Variants in CXADR observed in about 807,000 individuals in gnomAD.
CXADR encodes the protein coxsackievirus and adenovirus receptor.
Under a neutral mutation model 40.3 loss-of-function variants are expected in CXADR, and 20 were observed. The ratio of observed to expected loss-of-function variants is 0.50; its 90% CI spans 0.35 to 0.72. CXADR has a LOEUF of 0.72. Ranked by LOEUF, CXADR falls within the 30% of genes least tolerant of loss-of-function variation. The probability of loss-of-function intolerance (pLI) is 0.01; values close to 1 mark genes in which losing one functional copy is unlikely to be tolerated. For missense variants in CXADR, 332 were observed against 449.1 expected, an observed-to-expected ratio of 0.74 and a Z score of 2.36; for synonymous variants, 150 against 161.3, an observed-to-expected ratio of 0.93 and a Z score of 0.53.
chr21:17,561,277 C>T (rs557805960), intron 5 of CXADR, 61 bp from the exon 6 acceptor site: 8 of 927,050 alleles, frequency 8.6e-6, no homozygotes, highest in African/African-American at 6.9e-5. Flanking sequence ...TATAGCCTAC[C>T]TTCAGTATCT....
chr21:17,540,096 C>G (rs866951661), intron 1 of CXADR, among the ~76,000 whole-genome samples: 2 of 152,160 alleles, frequency 1.3e-5, no homozygotes, highest in African/African-American at 4.8e-5. Flanking sequence ...GGCTGGTAGA[C>G]AGCTGCCGTC....
the CXADR span, among the ~76,000 whole-genome samples, chr21:17,627,348 C>T: frequency 6.6e-6 from 1 of 152,008 alleles, no homozygotes; most frequent in Admixed American, 6.6e-5. Context: ...AAGAGCAAAA[C>T]TTCACCTCGA....
intron 1 of CXADR, among the ~76,000 whole-genome samples, chr21:17,514,475 C>T (rs1271328943): frequency 6.6e-6 from 1 of 151,562 alleles, no homozygotes; most frequent in Non-Finnish European, 1.5e-5. Flanking sequence ...AACCAGTTTA[C>T]AGGTACATTC....
intron 1 of CXADR, among the ~76,000 whole-genome samples, chr21:17,520,090 A>G (rs1302526406): frequency 6.6e-6 from 1 of 152,086 alleles, no homozygotes; most frequent in Non-Finnish European, 1.5e-5. Flanking sequence ...CCAACTGCGT[A>G]ACTATTCAAC....
the CXADR span, chr21:17,609,255 C>G: frequency 9.1e-7 from 1 of 1,094,044 alleles, no homozygotes; most frequent in Non-Finnish European, 1.3e-6. Context: ...CTTCCTCCTT[C>G]CAATTTTATC....
intron 1 of CXADR, among the ~76,000 whole-genome samples, chr21:17,541,448 C>T (rs1444281870): frequency 6.6e-6 from 1 of 151,962 alleles, no homozygotes; most frequent in Non-Finnish European, 1.5e-5. Flanking sequence ...TCCCAGCTAC[C>T]CGGGAGGCTT....
chr21:17,606,674 T>C, the CXADR span, among the ~76,000 whole-genome samples: 3 of 152,216 alleles, frequency 2.0e-5, no homozygotes, highest in African/African-American at 7.2e-5. Flanking sequence ...CCTTACATGT[T>C]TTGTACTATT....
At chr21:17,564,231 G>A (rs915237689) in intron 6 of CXADR, among the ~76,000 whole-genome samples, 4 of 150,284 alleles carry the variant, frequency 2.7e-5, no homozygotes, top group South Asian at 2.1e-4. Flanking sequence ...AGTGACTCAC[G>A]CCTGTAATCC....
At chr21:17,519,107 A>G (rs2060497152) in intron 1 of CXADR, 6 of 778,266 alleles carry the variant, frequency 7.7e-6, no homozygotes, top group Non-Finnish European at 1.3e-5. Flanking sequence ...TTATACCACC[A>G]TCAGAGGAAA....
At chr21:17,563,136 A>G (rs1208144114) in intron 6 of CXADR, among the ~76,000 whole-genome samples, 1 of 152,128 alleles carries the variant, frequency 6.6e-6, no homozygotes, top group Non-Finnish European at 1.5e-5. Flanking sequence ...TTGGTTTTCA[A>G]CATGCTGTCC....
intron 1 of CXADR, among the ~76,000 whole-genome samples, chr21:17,532,187 C>CCTTGT (rs2060687173): frequency 6.6e-6 from 1 of 152,080 alleles, no homozygotes; most frequent in African/African-American, 2.4e-5. Context: ...CCTGCCCCAA[C>CCTTGT]CTCCCAAAGT....
At chr21:17,597,373 A>G (rs2061517431), downstream of CXADR, among the ~76,000 whole-genome samples, 1 of 152,066 alleles carries the variant, frequency 6.6e-6, no homozygotes, top group Non-Finnish European at 1.5e-5. Flanking sequence ...GCAATATATA[A>G]TCCATCACAC....
the CXADR span, among the ~76,000 whole-genome samples, chr21:17,602,773 A>G: frequency 6.6e-6 from 1 of 152,220 alleles, no homozygotes; most frequent in South Asian, 2.1e-4. Flanking sequence ...TGAAATGTCT[A>G]CTGAAGTAGA....
In CXADR at chr21:17,567,233, T is replaced by G. The variant is rs2061221486; in HGVS notation, c.*1541T>G. On this transcript the variant is annotated 3_prime_UTR_variant, in exon 7 of 7. Coordinates refer to ENST00000284878, the MANE Select transcript of CXADR (RefSeq NM_001338.5). ...GGGTGCTGTGGTGGTAAATGCTATA[T>G]TATGAACGGTGGCATGTATTTACAG... 1.0e-6 allele frequency: 1 copy of G among 985,436 alleles called. No individual in the cohort carries two copies. Among genetic ancestry groups the G allele is most frequent in the Admixed American group, 6.1e-5 (1 of 16,282 alleles). The allele number at this position is 985,436 out of a possible 1,614,324, so 61.0% of individuals were successfully genotyped here.
Position 17,567,627 on chromosome 21 carries a change from C to T in CXADR, c.*1935C>T. 1.0e-6 allele frequency: 1 copy of T among 983,428 alleles called. No individual in the cohort carries two copies. The highest frequency in any genetic ancestry group is 1.2e-6 in the Non-Finnish European group (1 of 828,192). 60.9% of individuals were successfully genotyped at this position (983,428 alleles called of 1,614,324 possible). On this transcript the variant is annotated 3_prime_UTR_variant, in exon 7 of 7. Transcript: ENST00000284878. Reference sequence around the variant, plus strand: ...TAAAGGTTTAGAAATTTCAATATTCCCAACACTCTATGTTTCTGATTTTAT... The same window carrying T: ...TAAAGGTTTAGAAATTTCAATATTCTCAACACTCTATGTTTCTGATTTTAT...
At chr21:17,558,595 A>C (rs2061066814) in intron 3 of CXADR, among the ~76,000 whole-genome samples, 1 of 152,178 alleles carries the variant, frequency 6.6e-6, no homozygotes, top group Admixed American at 6.5e-5. Context: ...CCAGAGGGTT[A>C]CATGTCAGGC....
Position 17,561,397 on chromosome 21 carries a change from C to G in CXADR, c.754C>G (p.Leu252Val). 1 of 1,611,776 alleles carries G rather than the reference C, an allele frequency of 6.2e-7. No individual in the cohort carries two copies. Residue 252 changes from leucine (L) to valine (V), a missense_variant, in exon 6 of 7, where the codon CTC becomes GTC. Leu to Val is a conservative substitution (Grantham distance 32). Coordinates refer to ENST00000284878, the MANE Select transcript of CXADR (RefSeq NM_001338.5). The part of the protein sequence containing the change: ...AIIGTLLALA[L>V]IGLIIFCCRK... ...TATAGGAACTTTGCTTGCTCTAGCG[C>G]TCATTGGTCTTATCATCTTTTGCTG...
At chr21:17,590,344 T>C (rs999240667) in intron 7 of CXADR, among the ~76,000 whole-genome samples, 5 of 152,024 alleles carry the variant, frequency 3.3e-5, no homozygotes, top group African/African-American at 1.2e-4. Context: ...CTACAAGTCT[T>C]AATGGTGAAT....
At chr21:17,572,645 C>T (rs1236584020), downstream of CXADR, among the ~76,000 whole-genome samples, 1 of 151,984 alleles carries the variant, frequency 6.6e-6, no homozygotes, top group East Asian at 1.9e-4. Context: ...CTTAGGGAGC[C>T]TCTGGGTGCT....
Sources: gnomAD v4.1 joint callset for allele counts (sites outside exome capture counted in the v4.1 genomes callset) on GRCh38, gnomAD v4.1.1 for gene constraint, MANE v1.5 for transcripts, NCBI Gene and HGNC (gene_info 2026-07-23, HGNC 2026-07-21) for gene names.